The following EIF3E variants were observed in gnomAD, a reference collection of about 807,000 sequenced individuals.
EIF3E encodes eukaryotic translation initiation factor 3 subunit E, also known as eIF-3 p48.
In EIF3E, 25 loss-of-function variants were observed where a neutral mutation model predicts 59.3. The observed-to-expected ratio is 0.42, with a 90% CI of 0.31 to 0.59. The LOEUF is 0.59. Ranked by LOEUF, EIF3E falls within the 20% of genes least tolerant of loss-of-function variation. EIF3E has a pLI of 0.15. For synonymous variants in EIF3E, 176 were observed against 170.2 expected, an observed-to-expected ratio of 1.03 and a Z score of -0.26; for missense variants, 317 against 534.3, an observed-to-expected ratio of 0.59 and a Z score of 4.01.
At chr8:108,240,999 C>T (rs1432208233) in intron 2 of EIF3E, among the ~76,000 whole-genome samples, 2 of 151,668 alleles carry the variant, frequency 1.3e-5, no homozygotes, top group African/African-American at 2.4e-5. Flanking sequence ...AAGAAAGAAA[C>T]TAAGAAATAG....
chr8:108,245,726 AG>A (rs1815935898), intron 1 of EIF3E, among the ~76,000 whole-genome samples: 1 of 152,214 alleles, frequency 6.6e-6, no homozygotes, highest in South Asian at 2.1e-4. Flanking sequence ...ATGAAAATAA[AG>A]AAGAGTGAGA....
At chr8:108,209,382 C>A (rs995423940) in intron 10 of EIF3E, among the ~76,000 whole-genome samples, 2 of 152,084 alleles carry the variant, frequency 1.3e-5, no homozygotes, top group African/African-American at 4.8e-5. Context: ...ACCTAATTTT[C>A]TTCTCATTGT....
At chr8:108,203,353 G>T in intron 11 of EIF3E, 48 bp downstream of exon 11, 1 of 1,520,588 alleles carries the variant, frequency 6.6e-7, no homozygotes, top group Non-Finnish European at 9.0e-7. Context: ...ATTCCCAAAA[G>T]TATAATCAGG....
rs78681718 is a variant in EIF3E, at chr8:108,203,600, T to C, written c.1062-97A>G. On this transcript the variant is annotated intron_variant, in intron 10 of 12. Coordinates refer to ENST00000220849, the MANE Select transcript of EIF3E (RefSeq NM_001568.3). ...ACTCACACTCTGCATAGATACTTTT[T>C]GGTATTTCTGGATCACCCTTCTCTT... 3.4e-3 allele frequency: 3,166 copies of C among 926,256 alleles called. 66 individuals are homozygous for C. In the East Asian group the frequency reaches 0.054, roughly 16 times the overall value. The allele number at this position is 926,256 out of a possible 1,614,324, so 57.4% of individuals were successfully genotyped here. A position where few individuals can be genotyped will look rare whatever the true frequency, so the allele number is the denominator to read the frequency against.
intron 1 of EIF3E, among the ~76,000 whole-genome samples, chr8:108,245,940 C>A (rs996284370): frequency 1.3e-5 from 2 of 152,096 alleles, no homozygotes; most frequent in African/African-American, 4.8e-5. Flanking sequence ...GTTCCAAGAC[C>A]CCCCAGCGGC....
intron 3 of EIF3E, among the ~76,000 whole-genome samples, chr8:108,237,787 G>A (rs1815761335): frequency 6.6e-6 from 1 of 152,068 alleles, no homozygotes; most frequent in Non-Finnish European, 1.5e-5. Context: ...ACTTTGTATT[G>A]CACTACTCAT....
chr8:108,218,871 C>A (rs1411176412), intron 7 of EIF3E, among the ~76,000 whole-genome samples: 2 of 148,568 alleles, frequency 1.3e-5, no homozygotes, highest in Non-Finnish European at 3.0e-5. Context: ...GAAACCTCCG[C>A]TTCCCAGATT....
At chr8:108,240,952 C>T (rs1469501083) in intron 2 of EIF3E, among the ~76,000 whole-genome samples, 2 of 151,406 alleles carry the variant, frequency 1.3e-5, no homozygotes, top group East Asian at 3.9e-4. Context: ...TGCACTCCAG[C>T]CCGGGCAACA....
At chr8:108,208,255 C>A (rs1462560372) in intron 10 of EIF3E, among the ~76,000 whole-genome samples, 1 of 152,094 alleles carries the variant, frequency 6.6e-6, no homozygotes, top group Non-Finnish European at 1.5e-5. Context: ...CTGATAGGCA[C>A]AATTTATTTC....
chr8:108,203,494 T>C lies in EIF3E; in HGVS notation c.1071A>G (p.Ala357=), dbSNP rs1342771363. The C allele has an allele frequency of 1.9e-6, 3 of 1,612,266 alleles. No homozygotes were observed. The highest frequency in any genetic ancestry group is 4.5e-5 in the East Asian group (2 of 44,782). The change falls in exon 11 of 13, where the codon GCA becomes GCG. Residue 357 remains alanine, a synonymous_variant. Transcript: ENST00000220849. ...CTTCTGGAGTCATGTTCAATTTATC[T>C]GCCAACATGCTAATGAAAAAGTAAA... ...IHQCISINML[A]DKLNMTPEEA... is the part of the protein sequence containing the mutation.
At chr8:108,226,635 A>G (rs977388138) in intron 7 of EIF3E, among the ~76,000 whole-genome samples, 16 of 152,174 alleles carry the variant, frequency 1.1e-4, no homozygotes, top group Admixed American at 3.9e-4. Context: ...TTTTCAGTGT[A>G]TATCTATCTA....
At chr8:108,213,750 C>G (rs142927798) in intron 10 of EIF3E, among the ~76,000 whole-genome samples, 2 of 152,298 alleles carry the variant, frequency 1.3e-5, no homozygotes, top group East Asian at 3.9e-4. Context: ...CTGCAAGCTA[C>G]AGTAAAGTGC....
intron 1 of EIF3E, 125 bp downstream of exon 1, chr8:108,248,488 C>A (rs759217648): frequency 4.1e-5 from 34 of 839,142 alleles, no homozygotes; most frequent in Non-Finnish European, 5.6e-5. Flanking sequence ...CCTTAGTGTC[C>A]GTCCAGGAAC....
chr8:108,228,461 C>T, intron 6 of EIF3E, 70 bp from the exon 7 acceptor site: 1 of 1,218,910 alleles, frequency 8.2e-7, no homozygotes, highest in Non-Finnish European at 1.1e-6. Flanking sequence ...ACAAACATCA[C>T]TAACTTCAAA....
At chr8:108,209,354 T>C (rs948113864) in intron 10 of EIF3E, among the ~76,000 whole-genome samples, 1 of 152,090 alleles carries the variant, frequency 6.6e-6, no homozygotes, top group East Asian at 1.9e-4. Context: ...TGGAGAGTTA[T>C]CAGGATTCAC....
rs1395706132 is a variant in EIF3E, at chr8:108,227,664, A to AC, written c.722+602dup. The AC allele has an allele frequency of 2.0e-5, 3 of 152,330 alleles. No homozygotes were observed. The East Asian group carries it at 5.8e-4, about 29-fold the overall frequency. 9.4% of individuals were successfully genotyped at this position (152,330 alleles called of 1,614,324 possible). ...GAGAGGAGTAAAAAATTATCTTAAA[A>AC]CATCTAAAGAGTTTCCATGAAGCAG... On this transcript the variant is annotated intron_variant, in intron 7 of 12. Coordinates refer to ENST00000220849, the MANE Select transcript of EIF3E (RefSeq NM_001568.3).
chr8:108,224,076 G>C (rs1815473683), intron 7 of EIF3E, among the ~76,000 whole-genome samples: 1 of 150,348 alleles, frequency 6.7e-6, no homozygotes, highest in South Asian at 2.1e-4. Flanking sequence ...AAAAAAAGTA[G>C]CCAGGCGTGG....
chr8:108,203,757 G>A (rs968751329), intron 10 of EIF3E, among the ~76,000 whole-genome samples: 2 of 151,952 alleles, frequency 1.3e-5, no homozygotes, highest in Non-Finnish European at 1.5e-5. Context: ...CTGCATTTAC[G>A]GAAATCCTTC....
chr8:108,217,259 C>T, intron 8 of EIF3E, 75 bp downstream of exon 8: 1 of 1,208,120 alleles, frequency 8.3e-7, no homozygotes, highest in East Asian at 2.6e-5. Flanking sequence ...AGAACTAAGT[C>T]TTACCTTAGA....
Sources: gnomAD v4.1 joint callset for allele counts (sites outside exome capture counted in the v4.1 genomes callset) on GRCh38, gnomAD v4.1.1 for gene constraint, MANE v1.5 for transcripts, NCBI Gene and HGNC (gene_info 2026-07-23, HGNC 2026-07-21) for gene names.